RNGTT: variants seen among roughly 807,000 people sequenced by gnomAD.
RNGTT encodes the protein RNA guanylyltransferase and 5'-phosphatase, also known as mRNA-capping enzyme.
RNGTT carries 33 observed loss-of-function variants against 79.3 expected under a neutral mutation model. The observed-to-expected ratio is 0.42, with a 90% CI of 0.32 to 0.56. The LOEUF is 0.56. RNGTT is among the 20% of genes least tolerant of loss of function. RNGTT has a pLI of 0.17. For synonymous variants in RNGTT, 222 were observed against 235.9 expected (o/e 0.94, Z 0.54); for missense variants, 497 against 739.1 (o/e 0.67, Z 3.80).
chr6:88,882,431 C>T (rs1394331426), intron 8 of RNGTT, among the ~76,000 whole-genome samples: 3 of 152,140 alleles, frequency 2.0e-5, no homozygotes, highest in African/African-American at 7.2e-5. Flanking sequence ...CAGAACCTAG[C>T]ACAGTACCTG....
intron 15 of RNGTT, among the ~76,000 whole-genome samples, chr6:88,613,817 A>G (rs1487314973): frequency 6.6e-6 from 1 of 152,236 alleles, no homozygotes; most frequent in East Asian, 1.9e-4. Context: ...GAAGAATAGC[A>G]TAGCAGATTT....
intron 2 of RNGTT, among the ~76,000 whole-genome samples, chr6:88,933,765 G>A (rs979177615): frequency 6.6e-6 from 1 of 152,150 alleles, no homozygotes; most frequent in African/African-American, 2.4e-5. Context: ...CTTCATGGCT[G>A]CATAGTATTC....
intron 13 of RNGTT, among the ~76,000 whole-genome samples, chr6:88,722,538 T>C (rs1776742058): frequency 6.6e-6 from 1 of 152,166 alleles, no homozygotes; most frequent in Non-Finnish European, 1.5e-5. Flanking sequence ...TCATAATAAA[T>C]GGTAAGAACA....
In RNGTT at chr6:88,904,718, T is replaced by C; in HGVS notation, c.681A>G (p.Lys227=). The part of the protein sequence containing the change: ...SFGKRRKERL[K]LGAIFLEGVT... Reference sequence around the variant, plus strand: ...TTATAATATTTTTAAACATTACCAGTTTTAACCGTTCTTTTCTCCTTTTGC... The same window carrying C: ...TTATAATATTTTTAAACATTACCAGCTTTAACCGTTCTTTTCTCCTTTTGC... Residue 227 remains lysine (K), a synonymous_variant, in exon 6 of 16, where the codon AAA becomes AAG. Transcript: ENST00000369485. 1 of 1,611,790 alleles carries C rather than the reference T, an allele frequency of 6.2e-7. No individual in the cohort carries two copies. Among genetic ancestry groups the C allele is most frequent in the South Asian group, 1.1e-5 (1 of 90,500 alleles).
chr6:88,754,762 A>G (rs544035098), intron 13 of RNGTT, among the ~76,000 whole-genome samples: 1 of 152,274 alleles, frequency 6.6e-6, no homozygotes, highest in South Asian at 2.1e-4. Context: ...ACCACAAACA[A>G]TATCATGAGT....
chr6:88,631,570 G>A (rs997972852), intron 14 of RNGTT, among the ~76,000 whole-genome samples: 5 of 152,148 alleles, frequency 3.3e-5, no homozygotes, highest in South Asian at 4.1e-4. Flanking sequence ...TGACTTCCTC[G>A]CTTTTGTGAC....
intron 12 of RNGTT, among the ~76,000 whole-genome samples, chr6:88,777,154 T>C (rs1778915965): frequency 6.6e-6 from 1 of 152,208 alleles, no homozygotes. Context: ...AATTTGAACA[T>C]ACATGCTTGG....
At chr6:88,824,980 T>C (rs1780611231) in intron 11 of RNGTT, among the ~76,000 whole-genome samples, 1 of 152,042 alleles carries the variant, frequency 6.6e-6, no homozygotes, top group African/African-American at 2.4e-5. Flanking sequence ...TGACCTCAAG[T>C]GATCCTCCCA....
chr6:88,790,104 T>C (rs954713157), intron 12 of RNGTT, among the ~76,000 whole-genome samples: 1 of 151,962 alleles, frequency 6.6e-6, no homozygotes, highest in Non-Finnish European at 1.5e-5. Context: ...AAAAAACCCA[T>C]AGCAATGTAA....
rs78001680 is a variant in RNGTT, at chr6:88,821,182, G to A, written c.1270-19550C>T. Among the ~76,000 whole-genome samples the A allele has an allele frequency of 2.6e-5, 4 of 152,110 alleles. No homozygotes were observed. In the East Asian group the frequency reaches 7.7e-4, roughly 29 times the overall value. On this transcript the variant is annotated intron_variant, in intron 11 of 15. Transcript: ENST00000369485. Reference sequence around the variant, plus strand: ...CAGTCAAGTGATCTTTGACAAAACAGCAAAAGCAATGAAACGAAAATAGTC... The same window carrying A: ...CAGTCAAGTGATCTTTGACAAAACAACAAAAGCAATGAAACGAAAATAGTC...
intron 14 of RNGTT, among the ~76,000 whole-genome samples, chr6:88,671,639 A>C (rs1774642639): frequency 6.6e-6 from 1 of 152,264 alleles, no homozygotes; most frequent in Admixed American, 6.5e-5. Context: ...AAGAGCCTGC[A>C]AAGCCAAAGC....
intron 1 of RNGTT, among the ~76,000 whole-genome samples, chr6:88,950,287 G>A (rs1008868820): frequency 1.3e-5 from 2 of 152,196 alleles, no homozygotes; most frequent in Non-Finnish European, 2.9e-5. Context: ...ATTAATGTTG[G>A]TTCCATGCCT....
chr6:88,877,972 T>C (rs939442028), intron 8 of RNGTT, among the ~76,000 whole-genome samples: 1 of 152,216 alleles, frequency 6.6e-6, no homozygotes. Context: ...GTTTTGGTTA[T>C]CACCAGAGGT....
At chr6:88,936,880 G>A (rs995585632) in intron 2 of RNGTT, among the ~76,000 whole-genome samples, 2 of 152,156 alleles carry the variant, frequency 1.3e-5, no homozygotes, top group Non-Finnish European at 2.9e-5. Context: ...AAGGCATCCG[G>A]TCCTAGACTT....
intron 4 of RNGTT, among the ~76,000 whole-genome samples, chr6:88,928,311 C>G (rs1784386130): frequency 1.3e-5 from 2 of 152,102 alleles, no homozygotes; most frequent in African/African-American, 2.4e-5. Flanking sequence ...AGCAAAACAA[C>G]AACAACAACA....
intron 11 of RNGTT, among the ~76,000 whole-genome samples, chr6:88,814,685 GAATAC>G (rs1562266298): frequency 6.6e-6 from 1 of 151,756 alleles, no homozygotes; most frequent in East Asian, 1.9e-4. Flanking sequence ...ATGAATATAC[GAATAC>G]AATGGATATT....
chr6:88,739,725 T>TTATATA lies in RNGTT; in HGVS notation c.1439+30043_1439+30048dup, dbSNP rs367967175. 7.4e-3 allele frequency among the ~76,000 whole-genome samples: 689 copies of TTATATA among 93,734 alleles called. 45 individuals carry two copies. The highest frequency in any genetic ancestry group is 9.1e-3 in the Non-Finnish European group (449 of 49,560). The allele number at this position is 93,734 out of a possible 152,430, so 61.5% of individuals were successfully genotyped here. On this transcript the variant is annotated intron_variant, in intron 13 of 15. Transcript: ENST00000369485. The stretch of plus-strand genomic sequence containing the variant: ...TCCCGTGTAACTGGTGTGAAAAAAA[T>TTATATA]TATATATATATATATATATATATAT...
At chr6:88,857,752 T>C (rs1222715303) in intron 8 of RNGTT, among the ~76,000 whole-genome samples, 1 of 152,172 alleles carries the variant, frequency 6.6e-6, no homozygotes, top group Non-Finnish European at 1.5e-5. Context: ...AAACTGTATG[T>C]ATATCGTAAA....
At chr6:88,852,873 C>A (rs1317258604) in intron 9 of RNGTT, among the ~76,000 whole-genome samples, 1 of 152,034 alleles carries the variant, frequency 6.6e-6, no homozygotes, top group East Asian at 1.9e-4. Context: ...TTTGGAAACC[C>A]CAATTTATGG....
Sources: gnomAD v4.1 joint callset for allele counts (sites outside exome capture counted in the v4.1 genomes callset) on GRCh38, gnomAD v4.1.1 for gene constraint, MANE v1.5 for transcripts, NCBI Gene and HGNC (gene_info 2026-07-23, HGNC 2026-07-21) for gene names.